Variants in CORO2A observed in about 807,000 individuals in gnomAD.
The protein encoded by CORO2A is coronin 2A.
In CORO2A, 47 loss-of-function variants were observed where a neutral mutation model predicts 62.4. The ratio of observed to expected loss-of-function variants is 0.75; its 90% confidence interval spans 0.60 to 0.96. CORO2A has a LOEUF of 0.96. Among genes scored for constraint, CORO2A ranks in the 40% least tolerant of loss-of-function variants. CORO2A has a pLI of 0.00. For synonymous variants in CORO2A, 273 were observed against 268.9 expected, an observed-to-expected ratio of 1.02 and a Z score of -0.15; for missense variants, 610 against 684.1, an observed-to-expected ratio of 0.89 and a Z score of 1.21.
At chr9:98,162,854 C>T (rs7862309) in intron 1 of CORO2A, among the ~76,000 whole-genome samples, 40,134 of 152,202 alleles carry the variant, frequency 0.26, 6,855 homozygotes, top group African/African-American at 0.48. Context: ...TCCCTACAAG[C>T]AGGCACTTGC....
At chr9:98,134,714 G>A (rs1587993599) in intron 4 of CORO2A, 92 bp downstream of exon 4, 2 of 1,395,318 alleles carry the variant, frequency 1.4e-6, no homozygotes, top group Non-Finnish European at 9.5e-7. Flanking sequence ...TCGATTTCTG[G>A]TCTCCAGAAC....
chr9:98,139,260 T>G (rs1827534865), intron 2 of CORO2A, among the ~76,000 whole-genome samples: 1 of 151,856 alleles, frequency 6.6e-6, no homozygotes, highest in African/African-American at 2.4e-5. Flanking sequence ...TATACTAAGA[T>G]CCACTGAACT....
In CORO2A at chr9:98,124,284, A is replaced by C. The variant is rs1827284303; in HGVS notation, c.*490T>G. 1 of 152,184 alleles carries C rather than the reference A, an allele frequency of 6.6e-6. No homozygotes were observed. 9.4% of individuals were successfully genotyped at this position (152,184 alleles called of 1,614,324 possible). ...CAGCCTCGGCCTCCCAACATGCTGG[A>C]ATTACAGGCGTGAGCCACTGCGCCT... is the stretch of plus-strand genomic sequence containing the variant. On this transcript the variant is annotated 3_prime_UTR_variant, in exon 12 of 12. Transcript: ENST00000375077.
chr9:98,163,813 C>T (rs1203792763), intron 1 of CORO2A, among the ~76,000 whole-genome samples: 1 of 151,652 alleles, frequency 6.6e-6, no homozygotes, highest in Non-Finnish European at 1.5e-5. Context: ...TCCAAAGGCC[C>T]CTCTTCTTTA....
intron 2 of CORO2A, among the ~76,000 whole-genome samples, chr9:98,147,401 G>T (rs1827656021): frequency 6.6e-6 from 1 of 152,140 alleles, no homozygotes. Context: ...CAGGTAAAAG[G>T]GATGAGTGAA....
chr9:98,123,121 G>T lies in CORO2A; in HGVS notation c.*1653C>A, dbSNP rs898749398. 1 of 152,294 alleles carries T rather than the reference G, an allele frequency of 6.6e-6. No individual in the cohort carries two copies. The highest frequency in any genetic ancestry group is 1.5e-5 in the Non-Finnish European group (1 of 68,108). 9.4% of individuals were successfully genotyped at this position (152,294 alleles called of 1,614,324 possible). A position where few individuals can be genotyped will look rare whatever the true frequency, so the allele number is the denominator to read the frequency against. On this transcript the variant is annotated 3_prime_UTR_variant, in exon 12 of 12. Coordinates refer to ENST00000375077, the MANE Select transcript of CORO2A (RefSeq NM_052820.4). ...GAAGAAACTGAGACCAGAGAGGGCAGGACTTGCAAGAGGTCACTGAGTAAG... is the reference window on the plus strand; with the variant it reads ...GAAGAAACTGAGACCAGAGAGGGCATGACTTGCAAGAGGTCACTGAGTAAG...
At chr9:98,164,131 A>AACCACCACACTT (rs1347758002) in intron 1 of CORO2A, among the ~76,000 whole-genome samples, 2 of 152,314 alleles carry the variant, frequency 1.3e-5, no homozygotes, top group African/African-American at 4.8e-5. Context: ...AGAGGGTCTG[A>AACCACCACACTT]ACCACCACAC....
chr9:98,141,174 G>T (rs544517573), intron 2 of CORO2A, among the ~76,000 whole-genome samples: 2 of 152,110 alleles, frequency 1.3e-5, no homozygotes, highest in East Asian at 1.9e-4. Context: ...TGATGTGCAT[G>T]GAGGGAGGTG....
intron 11 of CORO2A, among the ~76,000 whole-genome samples, chr9:98,125,709 ATTTTTTTTTTTTT>A (rs993617176): frequency 1.1e-5 from 1 of 89,586 alleles, no homozygotes; most frequent in African/African-American, 4.7e-5. Context: ...GTTTCCCACC[ATTTTTTTTTTTTT>A]TTTTTTTTTT....
At position 98,145,283 on chromosome 9, in the gene CORO2A, G is replaced by A. The variant is rs931376640; in HGVS notation, c.202-7595C>T. Among the ~76,000 whole-genome samples, 21 of 152,174 alleles carry A rather than the reference G, an allele frequency of 1.4e-4. No homozygotes were observed. The East Asian group carries it at 3.9e-3, about 28-fold the overall frequency. On this transcript the variant is annotated intron_variant, in intron 2 of 11. Coordinates refer to ENST00000375077, the MANE Select transcript of CORO2A (RefSeq NM_052820.4). ...GAAAATGTTTCCTACTTCGAGCCCA[G>A]TGTGGCCTCCAGGTGGCCCCTGCTT... is the stretch of plus-strand genomic sequence containing the variant.
chr9:98,130,658 C>T (rs1827391685), intron 7 of CORO2A, among the ~76,000 whole-genome samples: 1 of 152,218 alleles, frequency 6.6e-6, no homozygotes, highest in Admixed American at 6.5e-5. Context: ...TGGGATAGTC[C>T]TACCCAGTGG....
chr9:98,125,550 C>G (rs1256186507), intron 11 of CORO2A, among the ~76,000 whole-genome samples: 1 of 152,144 alleles, frequency 6.6e-6, no homozygotes, highest in Non-Finnish European at 1.5e-5. Flanking sequence ...AGAATTCAAT[C>G]ACGTGCTGTA....
At chr9:98,183,484 G>A (rs1027354925) in intron 1 of CORO2A, among the ~76,000 whole-genome samples, 2 of 152,180 alleles carry the variant, frequency 1.3e-5, no homozygotes, top group East Asian at 1.9e-4. Context: ...GCAGCCTGCT[G>A]ATGTCAGACC....
chr9:98,156,421 C>G (rs1248465449), intron 2 of CORO2A, among the ~76,000 whole-genome samples: 1 of 151,896 alleles, frequency 6.6e-6, no homozygotes, highest in African/African-American at 2.4e-5. Context: ...TATAGATTTC[C>G]CTTGAAGCCC....
At chr9:98,168,968 G>A (rs900602270) in intron 1 of CORO2A, among the ~76,000 whole-genome samples, 1 of 152,230 alleles carries the variant, frequency 6.6e-6, no homozygotes, top group Non-Finnish European at 1.5e-5. Context: ...CCTAGGTGGA[G>A]GCCAGAAGGC....
At chr9:98,166,177 T>C (rs1827958684) in intron 1 of CORO2A, among the ~76,000 whole-genome samples, 1 of 152,136 alleles carries the variant, frequency 6.6e-6, no homozygotes, top group African/African-American at 2.4e-5. Flanking sequence ...ACACAGGACA[T>C]CCTACATGCT....
At chr9:98,164,395 T>C (rs568664352) in intron 1 of CORO2A, among the ~76,000 whole-genome samples, 1 of 152,346 alleles carries the variant, frequency 6.6e-6, no homozygotes, top group African/African-American at 2.4e-5. Context: ...GAAAGCTCTT[T>C]TCAGTCATCC....
intron 2 of CORO2A, among the ~76,000 whole-genome samples, chr9:98,150,377 A>G (rs1827706677): frequency 6.6e-6 from 1 of 152,098 alleles, no homozygotes; most frequent in Non-Finnish European, 1.5e-5. Context: ...GTCACAGCAC[A>G]TGTGTCCACG....
intron 2 of CORO2A, among the ~76,000 whole-genome samples, chr9:98,155,804 G>C (rs544962405): frequency 2.1e-4 from 32 of 152,012 alleles, no homozygotes; most frequent in Non-Finnish European, 4.4e-4. Flanking sequence ...GCTTGTATTA[G>C]TTCTTATTAG....
Sources: gnomAD v4.1 joint callset for allele counts (sites outside exome capture counted in the v4.1 genomes callset) on GRCh38, gnomAD v4.1.1 for gene constraint, MANE v1.5 for transcripts, NCBI Gene and HGNC (gene_info 2026-07-23, HGNC 2026-07-21) for gene names.